Variants in SERPINB7 observed in about 807,000 individuals in gnomAD.
The protein encoded by SERPINB7 is serpin B7.
SERPINB7 carries 31 observed loss-of-function variants against 37.4 expected under a neutral mutation model. The ratio of observed to expected loss-of-function variants is 0.83; its 90% CI spans 0.62 to 1.12. The LOEUF (loss-of-function observed/expected upper bound fraction) is 1.12, where lower values mean the gene tolerates loss of function less well. SERPINB7 is among the 50% of genes most tolerant of loss of function. SERPINB7 has a pLI of 0.00. For synonymous variants in SERPINB7, 163 were observed against 166.1 expected (o/e 0.98, Z 0.14); for missense variants, 521 against 455.3 (o/e 1.14, Z -1.31).
At chr18:63,764,990 A>T (rs754886106) in intron 1 of SERPINB7, among the ~76,000 whole-genome samples, 35 of 152,324 alleles carry the variant, frequency 2.3e-4, no homozygotes, top group Admixed American at 7.2e-4. Context: ...AATTACATCT[A>T]TGTTAAAATT....
intron 7 of SERPINB7, among the ~76,000 whole-genome samples, chr18:63,801,384 T>C (rs909723535): frequency 1.3e-5 from 2 of 152,170 alleles, no homozygotes; most frequent in African/African-American, 2.4e-5. Flanking sequence ...TATGATATGA[T>C]AGAGTCCTGA....
At chr18:63,763,161 G>A (rs553708290) in intron 1 of SERPINB7, among the ~76,000 whole-genome samples, 1 of 152,218 alleles carries the variant, frequency 6.6e-6, no homozygotes, top group South Asian at 2.1e-4. Flanking sequence ...ATGAGCCTCT[G>A]CTTTTCGTAA....
intron 1 of SERPINB7, among the ~76,000 whole-genome samples, chr18:63,755,324 C>A (rs1598985037): frequency 6.6e-6 from 1 of 152,080 alleles, no homozygotes; most frequent in East Asian, 1.9e-4. Context: ...CTTTTCATTT[C>A]GTGTCCTCCT....
At chr18:63,776,381 T>C (rs2049248297) in intron 1 of SERPINB7, among the ~76,000 whole-genome samples, 1 of 151,948 alleles carries the variant, frequency 6.6e-6, no homozygotes, top group Admixed American at 6.6e-5. Flanking sequence ...TAAGCATCCA[T>C]TAAAAAACAG....
intron 2 of SERPINB7, among the ~76,000 whole-genome samples, chr18:63,787,618 C>G (rs1181563535): frequency 6.6e-6 from 1 of 151,964 alleles, no homozygotes; most frequent in African/African-American, 2.4e-5. Flanking sequence ...TGCACATATT[C>G]CTAAATAATT....
At chr18:63,779,762 A>G (rs1001517942) in intron 1 of SERPINB7, among the ~76,000 whole-genome samples, 2 of 152,150 alleles carry the variant, frequency 1.3e-5, no homozygotes, top group Non-Finnish European at 2.9e-5. Flanking sequence ...AATTTCATCA[A>G]TAATTTACCA....
rs2049385127 is a variant in SERPINB7 at position 63,787,597 on chromosome 18, T to A, written c.169-4796T>A. On this transcript the variant is annotated intron_variant, in intron 2 of 7. Coordinates refer to ENST00000398019, the MANE Select transcript of SERPINB7 (RefSeq NM_003784.4). ...AATCACTTTAACATGGTATTTTATA[T>A]TTTTGTTCCATGCACATATTCCTAA... Among the ~76,000 whole-genome samples, 5 of 152,312 alleles carry A rather than the reference T, an allele frequency of 3.3e-5. No homozygotes were observed. In the South Asian group the frequency reaches 1.0e-3, roughly 32 times the overall value.
chr18:63,771,860 G>C (rs1483522995), upstream of SERPINB7, among the ~76,000 whole-genome samples: 3 of 151,708 alleles, frequency 2.0e-5, no homozygotes. Flanking sequence ...AAGTTTAAAA[G>C]GATGTAGTGG....
intron 1 of SERPINB7, among the ~76,000 whole-genome samples, chr18:63,770,386 C>A (rs1373430717): frequency 6.6e-6 from 1 of 151,802 alleles, no homozygotes; most frequent in African/African-American, 2.4e-5. Context: ...TTTTCTTCCC[C>A]TTTTAGAGTT....
At chr18:63,789,088 A>G (rs11875228) in intron 2 of SERPINB7, among the ~76,000 whole-genome samples, 2,222 of 152,302 alleles carry the variant, frequency 0.015, 55 homozygotes, top group African/African-American at 0.051. Flanking sequence ...AAATGTACAT[A>G]GCCATTTATA....
Position 63,804,521 on chromosome 18 carries a change from T to C in SERPINB7, c.1029T>C (p.Asn343=). 6.2e-7 allele frequency: 1 copy of C among 1,613,738 alleles called. No homozygotes were observed. ...GTEATAATGS[N]IVEKQLPQST... is the part of the protein sequence containing the mutation. ...AGGCTACTGCTGCCACAGGAAGTAA[T>C]ATTGTAGAAAAGCAACTCCCTCAGT... The change falls in exon 8 of 8, where the codon AAT becomes AAC. Residue 343 remains asparagine, a synonymous_variant. Transcript: ENST00000398019.
chr18:63,796,330 A>G lies in SERPINB7; in HGVS notation c.401A>G (p.His134Arg), dbSNP rs756292789. 28 of 1,613,272 alleles carry G rather than the reference A, an allele frequency of 1.7e-5. No homozygotes were observed. Among genetic ancestry groups the G allele is most frequent in the Non-Finnish European group, 3.4e-6 (4 of 1,179,438 alleles). Reference sequence around the variant, plus strand: ...GTGGAGCGAGTTGACTTTACGAATCATTTAGAAGACACTAGACGTAATATT... The same window carrying G: ...GTGGAGCGAGTTGACTTTACGAATCGTTTAGAAGACACTAGACGTAATATT... ...AKVERVDFTN[H>R]LEDTRRNINK... Residue 134 changes from histidine (H) to arginine (R), a missense_variant, in exon 5 of 8, where the codon CAT becomes CGT. Coordinates refer to ENST00000398019, the MANE Select transcript of SERPINB7 (RefSeq NM_003784.4).
At chr18:63,764,902 T>C (rs924256891) in intron 1 of SERPINB7, among the ~76,000 whole-genome samples, 2 of 152,156 alleles carry the variant, frequency 1.3e-5, no homozygotes, top group African/African-American at 4.8e-5. Flanking sequence ...AATTAGGCAT[T>C]GGATCACAGA....
chr18:63,767,668 A>G (rs927606348), intron 1 of SERPINB7, among the ~76,000 whole-genome samples: 1 of 151,816 alleles, frequency 6.6e-6, no homozygotes, highest in Non-Finnish European at 1.5e-5. Flanking sequence ...CTAATATTTT[A>G]TTCTGGATTT....
chr18:63,800,843 A>T (rs373669277), intron 6 of SERPINB7, 23 bp from the exon 7 acceptor site: 3 of 1,610,768 alleles, frequency 1.9e-6, no homozygotes, highest in Non-Finnish European at 2.5e-6. Flanking sequence ...ATCATAAATA[A>T]TTTTTTGTGA....
intron 2 of SERPINB7, among the ~76,000 whole-genome samples, chr18:63,788,351 G>T (rs2049393855): frequency 6.6e-6 from 1 of 152,008 alleles, no homozygotes; most frequent in South Asian, 2.1e-4. Flanking sequence ...TCACAAAAAA[G>T]TTTAAAAAGT....
chr18:63,762,591 C>G (rs2049160170), intron 1 of SERPINB7, among the ~76,000 whole-genome samples: 1 of 152,104 alleles, frequency 6.6e-6, no homozygotes, highest in African/African-American at 2.4e-5. Context: ...CTGCATATGC[C>G]AAGGATCTGA....
upstream of SERPINB7, among the ~76,000 whole-genome samples, chr18:63,774,346 C>T (rs1380809674): frequency 6.6e-6 from 1 of 151,982 alleles, no homozygotes; most frequent in African/African-American, 2.4e-5. Flanking sequence ...CTTCTAATTC[C>T]AATAGCTTTT....
rs540520999 is a variant in SERPINB7 at position 63,804,513 on chromosome 18, G to C, written c.1021G>C (p.Gly341Arg). ...GGGCACCGAGGCTACTGCTGCCACAGGAAGTAATATTGTAGAAAAGCAACT... is the reference window on the plus strand; with the variant it reads ...GGGCACCGAGGCTACTGCTGCCACACGAAGTAATATTGTAGAAAAGCAACT... ...EEGTEATAAT[G>R]SNIVEKQLPQ... Residue 341 changes from glycine to arginine, a missense_variant, in exon 8 of 8, where the codon GGA becomes CGA. Transcript: ENST00000398019. 5.6e-6 allele frequency: 9 copies of C among 1,613,788 alleles called. No homozygotes were observed. The East Asian group carries it at 1.3e-4, about 24-fold the overall frequency.
Sources: gnomAD v4.1 joint callset for allele counts (sites outside exome capture counted in the v4.1 genomes callset) on GRCh38, gnomAD v4.1.1 for gene constraint, MANE v1.5 for transcripts, NCBI Gene and HGNC (gene_info 2026-07-23, HGNC 2026-07-21) for gene names.